Variants in FKBP5 observed in about 807,000 individuals in gnomAD.
The protein encoded by FKBP5 is peptidyl-prolyl cis-trans isomerase FKBP5.
FKBP5 carries 23 observed loss-of-function variants against 50.5 expected under a neutral mutation model. The observed-to-expected ratio is 0.46, with a 90% CI of 0.33 to 0.65. The LOEUF (loss-of-function observed/expected upper bound fraction) is 0.65. Ranked by LOEUF, FKBP5 falls within the 30% of genes least tolerant of loss-of-function variation. FKBP5 has a pLI of 0.02. For missense variants in FKBP5, 411 were observed against 553.1 expected (o/e 0.74, Z 2.58); for synonymous variants, 176 against 190.6 (o/e 0.92, Z 0.63).
chr6:35,676,770 A>G lies in FKBP5; in HGVS notation c.-20+12034T>C, dbSNP rs185214244. Reference sequence around the variant, plus strand: ...CTGGGTCTTGGTTTGTACCAGGAGGAAATTTTAACATTTCCCAAAAGGGCA... The same window carrying G: ...CTGGGTCTTGGTTTGTACCAGGAGGGAATTTTAACATTTCCCAAAAGGGCA... On this transcript the variant is annotated intron_variant, in intron 1 of 10. Transcript: ENST00000357266. 1.7e-3 allele frequency among the ~76,000 whole-genome samples: 264 copies of G among 152,296 alleles called. 1 individual carries two copies. Among genetic ancestry groups the G allele is most frequent in the Admixed American group, 6.9e-3 (106 of 15,290 alleles).
chr6:35,604,913 T>A (rs1343143105), intron 5 of FKBP5, among the ~76,000 whole-genome samples: 1 of 151,864 alleles, frequency 6.6e-6, no homozygotes, highest in Non-Finnish European at 1.5e-5. Context: ...GCCTCCCAAG[T>A]AGCTGGGACT....
chr6:35,626,322 C>A (rs184590577), intron 3 of FKBP5, among the ~76,000 whole-genome samples: 1 of 151,946 alleles, frequency 6.6e-6, no homozygotes, highest in African/African-American at 2.4e-5. Flanking sequence ...ACTTTTTCTT[C>A]CTTCTGTAAT....
chr6:35,689,644 C>A (rs947457100), upstream of FKBP5, among the ~76,000 whole-genome samples: 1 of 152,022 alleles, frequency 6.6e-6, no homozygotes, highest in African/African-American at 2.4e-5. Flanking sequence ...AGATCGAGAC[C>A]ATCCTAGCCA....
chr6:35,601,413 T>C (rs1173390247), intron 5 of FKBP5, among the ~76,000 whole-genome samples: 1 of 152,154 alleles, frequency 6.6e-6, no homozygotes, highest in African/African-American at 2.4e-5. Context: ...AACACTGATG[T>C]GAAAAGTTCT....
intron 1 of FKBP5, among the ~76,000 whole-genome samples, chr6:35,652,957 G>A (rs557461786): frequency 1.4e-3 from 217 of 152,194 alleles, no homozygotes; most frequent in African/African-American, 4.8e-3. Context: ...GCCAGCTGAC[G>A]CTTAGGAAAA....
chr6:35,687,588 A>G (rs2151013886), intron 1 of FKBP5, among the ~76,000 whole-genome samples: 1 of 152,342 alleles, frequency 6.6e-6, no homozygotes, highest in Non-Finnish European at 1.5e-5. Context: ...AATCTAACAA[A>G]ATGGGAAGAC....
intron 3 of FKBP5, among the ~76,000 whole-genome samples, chr6:35,624,576 T>G (rs972712163): frequency 1.3e-5 from 2 of 152,126 alleles, no homozygotes; most frequent in African/African-American, 4.8e-5. Flanking sequence ...CCCCCTCTCC[T>G]GGCTAATATG....
intron 1 of FKBP5, chr6:35,651,988 G>T: frequency 3.3e-6 from 1 of 303,424 alleles, no homozygotes; most frequent in South Asian, 5.6e-5. Context: ...CTGAAGCCAT[G>T]ACAGAAGAAC....
intron 2 of FKBP5, among the ~76,000 whole-genome samples, chr6:35,699,281 C>T (rs1165865109): frequency 3.3e-5 from 5 of 152,288 alleles, no homozygotes; most frequent in African/African-American, 9.6e-5. Flanking sequence ...GTCTGGCTTC[C>T]TCCACAGGGC....
chr6:35,650,766 G>A (rs915285271), intron 1 of FKBP5, among the ~76,000 whole-genome samples: 1 of 152,072 alleles, frequency 6.6e-6, no homozygotes, highest in South Asian at 2.1e-4. Flanking sequence ...ATGAGCCACC[G>A]CACCTGGCAC....
At chr6:35,578,122 A>G (rs1762286915) in intron 9 of FKBP5, among the ~76,000 whole-genome samples, 1 of 151,886 alleles carries the variant, frequency 6.6e-6, no homozygotes, top group African/African-American at 2.4e-5. Context: ...TAGATCAACC[A>G]TATTTACATA....
At chr6:35,587,582 AG>A (rs775718386) in intron 7 of FKBP5, among the ~76,000 whole-genome samples, 21 of 152,248 alleles carry the variant, frequency 1.4e-4, no homozygotes, top group South Asian at 2.1e-4. Context: ...ATTCTGGGTC[AG>A]GTTGTCTTGC....
chr6:35,592,865 C>G (rs1255657263), intron 6 of FKBP5, among the ~76,000 whole-genome samples: 1 of 133,646 alleles, frequency 7.5e-6, no homozygotes, highest in Non-Finnish European at 1.8e-5. Flanking sequence ...ACGTGACAGC[C>G]CCCTATGACC....
chr6:35,576,557 T>C (rs1053726583), intron 10 of FKBP5, among the ~76,000 whole-genome samples: 11 of 151,834 alleles, frequency 7.2e-5, no homozygotes, highest in Admixed American at 7.2e-4. Context: ...TTGTCCTAGC[T>C]ACTCAGGAGG....
At chr6:35,586,773 T>G (rs1762612870) in intron 8 of FKBP5, 8 of 1,362,244 alleles carry the variant, frequency 5.9e-6, no homozygotes, top group Non-Finnish European at 7.6e-6. Flanking sequence ...CTGTGGTGGG[T>G]GGGGATGCCA....
chr6:35,720,112 G>A (rs560812430), intron 2 of FKBP5, among the ~76,000 whole-genome samples: 3 of 152,204 alleles, frequency 2.0e-5, no homozygotes, highest in South Asian at 2.1e-4. Context: ...GCTGTGCTCC[G>A]TGCACCCCCA....
intron 9 of FKBP5, 45 bp downstream of exon 9, chr6:35,579,991 G>C (rs753988774): frequency 7.0e-7 from 1 of 1,430,336 alleles, no homozygotes; most frequent in Admixed American, 1.8e-5. Context: ...ATGGAGAAAA[G>C]ATCTGGAGTA....
At chr6:35,603,298 T>C (rs1763203342) in intron 5 of FKBP5, among the ~76,000 whole-genome samples, 1 of 152,204 alleles carries the variant, frequency 6.6e-6, no homozygotes, top group South Asian at 2.1e-4. Flanking sequence ...AAACATGTTT[T>C]AGAGCTCTGT....
chr6:35,689,567 G>T (rs1226297935), upstream of FKBP5, among the ~76,000 whole-genome samples: 1 of 152,164 alleles, frequency 6.6e-6, no homozygotes. Flanking sequence ...GTTCGGCCAG[G>T]TGGGGTGGCT....
Sources: allele counts gnomAD v4.1 joint callset (sites outside exome capture counted in the v4.1 genomes callset), GRCh38; gene constraint gnomAD v4.1.1; transcripts MANE v1.5; gene names NCBI Gene and HGNC (gene_info 2026-07-23, HGNC 2026-07-21).